Variants in ERC2 observed in about 807,000 individuals in gnomAD.
ERC2 encodes the protein ERC protein 2.
ERC2 carries 42 observed loss-of-function variants against 114.8 expected under a neutral mutation model. The ratio of observed to expected loss-of-function variants is 0.37; its 90% CI spans 0.29 to 0.47. The LOEUF (loss-of-function observed/expected upper bound fraction) is 0.47. ERC2 is among the 20% of genes least tolerant of loss of function. The pLI is 0.99. For synonymous variants in ERC2, 454 were observed against 425.5 expected, an observed-to-expected ratio of 1.07 and a Z score of -0.82; for missense variants, 939 against 1,150.7, an observed-to-expected ratio of 0.82 and a Z score of 2.66.
intron 14 of ERC2, among the ~76,000 whole-genome samples, chr3:55,804,182 C>T (rs1405999899): frequency 6.6e-6 from 1 of 152,090 alleles, no homozygotes; most frequent in African/African-American, 2.4e-5. Context: ...CAATAATAAT[C>T]GAATCCCTCT....
chr3:55,596,157 G>C (rs1192449358), intron 17 of ERC2, among the ~76,000 whole-genome samples: 5 of 152,130 alleles, frequency 3.3e-5, no homozygotes, highest in African/African-American at 9.7e-5. Context: ...ATTCAAATAG[G>C]ACATTAAAGG....
At chr3:56,361,759 G>T (rs1417310868) in intron 2 of ERC2, among the ~76,000 whole-genome samples, 1 of 152,206 alleles carries the variant, frequency 6.6e-6, no homozygotes, top group Non-Finnish European at 1.5e-5. Flanking sequence ...TCATATTACT[G>T]CAGGGACAGG....
intron 14 of ERC2, among the ~76,000 whole-genome samples, chr3:55,807,654 C>T (rs985163066): frequency 1.3e-5 from 2 of 152,194 alleles, no homozygotes; most frequent in Non-Finnish European, 2.9e-5. Flanking sequence ...TCTAATCCAT[C>T]TGCTCGAGAT....
At chr3:55,732,051 T>G (rs2065282845) in intron 15 of ERC2, among the ~76,000 whole-genome samples, 1 of 152,088 alleles carries the variant, frequency 6.6e-6, no homozygotes, top group African/African-American at 2.4e-5. Flanking sequence ...ATCTAAAGCC[T>G]GAACCCCATC....
At chr3:55,569,253 T>C (rs955390223) in intron 17 of ERC2, among the ~76,000 whole-genome samples, 1 of 152,054 alleles carries the variant, frequency 6.6e-6, no homozygotes, top group Non-Finnish European at 1.5e-5. Flanking sequence ...CAAATACACA[T>C]GAAGACCGCA....
intron 3 of ERC2, among the ~76,000 whole-genome samples, chr3:56,276,343 G>C (rs1244690101): frequency 1.3e-5 from 2 of 150,868 alleles, no homozygotes; most frequent in African/African-American, 2.4e-5. Flanking sequence ...TGTTAGCAAG[G>C]ATCACATGAA....
chr3:55,709,507 C>T (rs1311499923), intron 15 of ERC2, among the ~76,000 whole-genome samples: 2 of 152,088 alleles, frequency 1.3e-5, no homozygotes, highest in African/African-American at 2.4e-5. Context: ...CAAAGGAGAA[C>T]GGACTGGGCA....
intron 12 of ERC2, among the ~76,000 whole-genome samples, chr3:55,968,033 T>C (rs1014081628): frequency 6.6e-6 from 1 of 152,216 alleles, no homozygotes; most frequent in Non-Finnish European, 1.5e-5. Flanking sequence ...ACAAAACAGA[T>C]ACTATTCAAA....
chr3:55,599,010 A>G (rs2058278667), intron 17 of ERC2, among the ~76,000 whole-genome samples: 1 of 152,218 alleles, frequency 6.6e-6, no homozygotes, highest in Non-Finnish European at 1.5e-5. Flanking sequence ...AGAAGGGCAC[A>G]AGTAGGCTTC....
intron 14 of ERC2, among the ~76,000 whole-genome samples, chr3:55,871,262 G>A (rs1205891432): frequency 2.0e-5 from 3 of 152,162 alleles, no homozygotes; most frequent in African/African-American, 7.2e-5. Flanking sequence ...ATAAATGAGA[G>A]TTGAATTAAT....
At chr3:55,560,252 G>A (rs1205486352) in intron 17 of ERC2, among the ~76,000 whole-genome samples, 1 of 152,172 alleles carries the variant, frequency 6.6e-6, no homozygotes, top group Non-Finnish European at 1.5e-5. Context: ...AACAGGCAGT[G>A]GGCTGACATT....
intron 1 of ERC2, among the ~76,000 whole-genome samples, chr3:56,441,810 G>T (rs1385425363): frequency 2.0e-5 from 3 of 152,188 alleles, no homozygotes; most frequent in Non-Finnish European, 2.9e-5. Flanking sequence ...GCCTCCCAAA[G>T]TTCTGGGATT....
chr3:56,285,011 TCACACACACACACACACACATACACA>T (rs1336411092), intron 3 of ERC2, among the ~76,000 whole-genome samples: 155 of 95,764 alleles, frequency 1.6e-3, no homozygotes, highest in Non-Finnish European at 2.9e-3. Context: ...TCTCTCTCTC[TCACACACACACACACACACATACACA>T]CACACACACA....
intron 1 of ERC2, among the ~76,000 whole-genome samples, chr3:56,449,074 CAA>C (rs34335399): frequency 4.5e-5 from 5 of 112,256 alleles, no homozygotes; most frequent in Non-Finnish European, 3.6e-5. Context: ...GACTCCATCT[CAA>C]AAAAAAAAAA....
chr3:56,193,273 G>A (rs1224119676), intron 3 of ERC2, among the ~76,000 whole-genome samples: 1 of 152,152 alleles, frequency 6.6e-6, no homozygotes, highest in South Asian at 2.1e-4. Context: ...CAGCACTTTG[G>A]GAGGCCGAGG....
chr3:56,120,099 A>C (rs905731593), intron 6 of ERC2, among the ~76,000 whole-genome samples: 2 of 152,186 alleles, frequency 1.3e-5, no homozygotes, highest in Non-Finnish European at 2.9e-5. Flanking sequence ...CACTATTGCA[A>C]AATAATTTCT....
chr3:55,884,054 T>C (rs1221273084), intron 14 of ERC2, among the ~76,000 whole-genome samples: 3 of 152,196 alleles, frequency 2.0e-5, no homozygotes, highest in African/African-American at 7.2e-5. Context: ...TTATGAAAGA[T>C]GTTACCAATT....
At chr3:55,903,526 C>T (rs1402290277) in intron 13 of ERC2, among the ~76,000 whole-genome samples, 2 of 152,260 alleles carry the variant, frequency 1.3e-5, no homozygotes, top group East Asian at 3.9e-4. Context: ...TTTTTCCTCT[C>T]ATTTCTTCAA....
chr3:55,704,299 A>G (rs1369834710), intron 15 of ERC2, among the ~76,000 whole-genome samples: 1 of 152,214 alleles, frequency 6.6e-6, no homozygotes, highest in Non-Finnish European at 1.5e-5. Context: ...AAAATATTTT[A>G]GTAAGGTGGC....
Sources: allele counts gnomAD v4.1 joint callset (sites outside exome capture counted in the v4.1 genomes callset), GRCh38; gene constraint gnomAD v4.1.1; transcripts MANE v1.5; gene names NCBI Gene and HGNC (gene_info 2026-07-23, HGNC 2026-07-21).